The following ADAM22 variants were observed in gnomAD, a reference collection of about 807,000 sequenced individuals.
The protein encoded by ADAM22 is disintegrin and metalloproteinase domain-containing protein 22.
A neutral mutation model predicts 144.6 loss-of-function variants in ADAM22; 65 were observed. The ratio of observed to expected loss-of-function variants is 0.45; its 90% CI spans 0.37 to 0.55. ADAM22 has a LOEUF of 0.55. Among genes scored for constraint, ADAM22 ranks in the 20% least tolerant of loss-of-function variants. ADAM22 has a pLI of 0.00. For synonymous variants in ADAM22, 391 were observed against 412.6 expected (o/e 0.95, Z 0.63); for missense variants, 974 against 1,184.9 (o/e 0.82, Z 2.61).
intron 24 of ADAM22, among the ~76,000 whole-genome samples, chr7:88,167,430 C>T (rs1843205460): frequency 6.6e-6 from 1 of 152,164 alleles, no homozygotes. Context: ...ACAATGCCAT[C>T]ACTGTGTTCT....
At chr7:87,991,556 C>G (rs1343025634) in intron 3 of ADAM22, among the ~76,000 whole-genome samples, 1 of 150,912 alleles carries the variant, frequency 6.6e-6, no homozygotes, top group Non-Finnish European at 1.5e-5. Flanking sequence ...TTAGTAGAGA[C>G]GGGGTTTCAC....
At chr7:87,960,921 T>C (rs1429703133) in intron 2 of ADAM22, among the ~76,000 whole-genome samples, 1 of 152,198 alleles carries the variant, frequency 6.6e-6, no homozygotes, top group Non-Finnish European at 1.5e-5. Context: ...GTTCTGTGCC[T>C]TTGGGATACA....
chr7:88,078,519 G>T (rs1815381500), intron 4 of ADAM22, among the ~76,000 whole-genome samples: 1 of 152,254 alleles, frequency 6.6e-6, no homozygotes, highest in Non-Finnish European at 1.5e-5. Flanking sequence ...CGAGTTGAGA[G>T]AAGAAGGCTT....
intron 3 of ADAM22, among the ~76,000 whole-genome samples, chr7:88,025,977 A>G (rs565567061): frequency 6.6e-6 from 1 of 152,288 alleles, no homozygotes; most frequent in African/African-American, 2.4e-5. Context: ...TTTTAACAAT[A>G]TCTTTTCATT....
intron 4 of ADAM22, among the ~76,000 whole-genome samples, chr7:88,104,290 AGGATATAT>A (rs1823776596): frequency 6.6e-6 from 1 of 152,132 alleles, no homozygotes; most frequent in Non-Finnish European, 1.5e-5. Flanking sequence ...TGAAGTGAAA[AGGATATAT>A]GGATATATGT....
At position 88,160,039 on chromosome 7, in the gene ADAM22, A is replaced by C. The variant is rs145037287; in HGVS notation, c.1908-2973A>C. ...CGACCTAAAAGCTCTTTCAGCTGAT[A>C]AACAACTTCAGCAAAGTTTTAGGAT... On this transcript the variant is annotated intron_variant, in intron 22 of 31. Transcript: ENST00000413139. Among the ~76,000 whole-genome samples the C allele has an allele frequency of 7.2e-3, 1,089 of 152,290 alleles. 11 individuals carry two copies. The highest frequency in any genetic ancestry group is 0.025 in the African/African-American group (1,048 of 41,564).
In ADAM22 at chr7:88,162,097, T is replaced by TACACACACACACACACACAC. The variant is rs61053925; in HGVS notation, c.1908-898_1908-879dup. Among the ~76,000 whole-genome samples the TACACACACACACACACACAC allele has an allele frequency of 7.1e-3, 973 of 136,804 alleles. 19 individuals carry two copies. Among genetic ancestry groups the TACACACACACACACACACAC allele is most frequent in the East Asian group, 0.02 (88 of 4,356 alleles). The allele number at this position is 136,804 out of a possible 152,430, so 89.7% of individuals were successfully genotyped here. ...CAGACTGGATAAAGAAAATGTGTAA[T>TACACACACACACACACACAC]ACACACACACACACACACACACACA... On this transcript the variant is annotated intron_variant, in intron 22 of 31. Coordinates refer to ENST00000413139, the MANE Select transcript of ADAM22 (RefSeq NM_001324418.2).
At chr7:88,177,848 A>C (rs1217629383) in intron 26 of ADAM22, among the ~76,000 whole-genome samples, 1 of 152,228 alleles carries the variant, frequency 6.6e-6, no homozygotes, top group Non-Finnish European at 1.5e-5. Context: ...AAACCAAATA[A>C]GAAAAAGAAA....
chr7:88,184,577 C>T (rs1355822986), intron 29 of ADAM22, among the ~76,000 whole-genome samples: 1 of 152,190 alleles, frequency 6.6e-6, no homozygotes, highest in East Asian at 1.9e-4. Context: ...CTGGAAAACA[C>T]AAAGAGCTCC....
At chr7:87,970,709 G>C (rs1850229395) in intron 2 of ADAM22, among the ~76,000 whole-genome samples, 1 of 152,188 alleles carries the variant, frequency 6.6e-6, no homozygotes. Context: ...CTGCCACAAA[G>C]CAAAATGCAT....
At chr7:87,935,233 C>T in intron 2 of ADAM22, 47 bp downstream of exon 2, 2 of 1,505,742 alleles carry the variant, frequency 1.3e-6, no homozygotes, top group Non-Finnish European at 1.8e-6. Flanking sequence ...TCCCGGCCCA[C>T]CCGAGACCCC....
At chr7:88,083,281 T>C (rs571891724) in intron 4 of ADAM22, among the ~76,000 whole-genome samples, 4 of 151,792 alleles carry the variant, frequency 2.6e-5, no homozygotes, top group Admixed American at 2.6e-4. Context: ...AGGTGAGAAT[T>C]GAACAGTGAG....
At chr7:88,120,189 T>C (rs190524501) in intron 7 of ADAM22, among the ~76,000 whole-genome samples, 544 of 152,114 alleles carry the variant, frequency 3.6e-3, no homozygotes, top group Non-Finnish European at 5.4e-3. Flanking sequence ...TATATATTTT[T>C]TATTATACTT....
chr7:87,947,938 G>A (rs563960346), intron 2 of ADAM22, among the ~76,000 whole-genome samples: 4 of 152,270 alleles, frequency 2.6e-5, no homozygotes, highest in African/African-American at 9.6e-5. Context: ...TTGACTGAAT[G>A]AAATTGTTGA....
In ADAM22 at chr7:88,145,479, G is replaced by C. The variant is rs768092311; in HGVS notation, c.1457G>C (p.Ser486Thr). 1 of 1,613,684 alleles carries C rather than the reference G, an allele frequency of 6.2e-7. No homozygotes were observed. The highest frequency in any genetic ancestry group is 1.1e-5 in the South Asian group (1 of 91,068). The part of the protein sequence containing the change: ...KCTLTQDSQC[S>T]DGLCCKKCKF... ...ACCTTGACTCAAGACTCTCAATGCA[G>C]TGACGGTCTTTGCTGTAAAAAGTGC... The change falls in exon 17 of 32, where the codon AGT becomes ACT. Residue 486 changes from serine (S) to threonine (T), a missense_variant. Physicochemically the swap from Ser to Thr is moderately conservative, Grantham distance 58. Coordinates refer to ENST00000413139, the MANE Select transcript of ADAM22 (RefSeq NM_001324418.2).
At chr7:87,982,698 T>TATATATATATATATATAA (rs1190579885) in intron 3 of ADAM22, among the ~76,000 whole-genome samples, 1 of 72,868 alleles carries the variant, frequency 1.4e-5, no homozygotes, top group East Asian at 3.0e-4. Context: ...TATATATATA[T>TATATATATATATATATAA]AATTTTTTTT....
intron 2 of ADAM22, among the ~76,000 whole-genome samples, chr7:87,970,664 A>T (rs1401703399): frequency 6.6e-6 from 1 of 152,184 alleles, no homozygotes; most frequent in Non-Finnish European, 1.5e-5. Flanking sequence ...GCCCTGGTTC[A>T]TTGACTCTAG....
chr7:88,183,833 C>CATAT (rs35310717), intron 29 of ADAM22, among the ~76,000 whole-genome samples: 53 of 146,088 alleles, frequency 3.6e-4, no homozygotes, highest in African/African-American at 1.3e-3. Flanking sequence ...TGTATATATA[C>CATAT]ATATATATAT....
chr7:88,118,670 TC>T (rs200968784), intron 7 of ADAM22, among the ~76,000 whole-genome samples: 204 of 148,752 alleles, frequency 1.4e-3, no homozygotes, highest in African/African-American at 4.6e-3. Context: ...TATATATATA[TC>T]TTTTTTTTTT....
Sources: gnomAD v4.1 joint callset for allele counts (sites outside exome capture counted in the v4.1 genomes callset) on GRCh38, gnomAD v4.1.1 for gene constraint, MANE v1.5 for transcripts, NCBI Gene and HGNC (gene_info 2026-07-23, HGNC 2026-07-21) for gene names.